The following ZSCAN25 variants were observed in gnomAD, a reference collection of about 807,000 sequenced individuals.
ZSCAN25 encodes zinc finger and SCAN domain containing 25.
Under a neutral mutation model 38.7 loss-of-function variants are expected in ZSCAN25, and 27 were observed. The ratio of observed to expected loss-of-function variants is 0.70; its 90% CI spans 0.51 to 0.96. The LOEUF (loss-of-function observed/expected upper bound fraction) is 0.96, where lower values mean the gene tolerates loss of function less well. Among genes scored for constraint, ZSCAN25 ranks in the 40% least tolerant of loss-of-function variants. The pLI is 0.00. For missense variants in ZSCAN25, 637 were observed against 705.9 expected, an observed-to-expected ratio of 0.90 and a Z score of 1.11; for synonymous variants, 273 against 277.7, an observed-to-expected ratio of 0.98 and a Z score of 0.17.
the ZSCAN25 span, chr7:99,709,059 T>C: frequency 6.2e-7 from 1 of 1,613,992 alleles, no homozygotes; most frequent in Non-Finnish European, 8.5e-7. Context: ...CTTCTCAGGC[T>C]CTGTCCAGTA....
the ZSCAN25 span, among the ~76,000 whole-genome samples, chr7:99,734,538 C>T: frequency 6.6e-6 from 1 of 152,058 alleles, no homozygotes; most frequent in Non-Finnish European, 1.5e-5. Context: ...TATAGATCTG[C>T]AAAACATCCA....
the ZSCAN25 span, chr7:99,671,510 G>C: frequency 2.3e-5 from 7 of 299,336 alleles, no homozygotes; most frequent in Non-Finnish European, 4.4e-5. Context: ...TTCCAAAATG[G>C]TGTTGGAACA....
chr7:99,685,849 C>T, the ZSCAN25 span, among the ~76,000 whole-genome samples: 12 of 152,178 alleles, frequency 7.9e-5, no homozygotes, highest in Admixed American at 7.9e-4. Context: ...CTTTGGTGGC[C>T]CAGGGACTCC....
chr7:99,716,173 C>T, the ZSCAN25 span, among the ~76,000 whole-genome samples: 1 of 152,162 alleles, frequency 6.6e-6, no homozygotes, highest in Non-Finnish European at 1.5e-5. Context: ...CATAGAAAGA[C>T]AGAGATCCAC....
chr7:99,685,278 C>T, the ZSCAN25 span: 1 of 1,610,938 alleles, frequency 6.2e-7, no homozygotes, highest in Non-Finnish European at 8.5e-7. Flanking sequence ...TTAAATAAAG[C>T]AAAATTAGAA....
the ZSCAN25 span, among the ~76,000 whole-genome samples, chr7:99,673,087 C>T: frequency 6.6e-6 from 1 of 152,112 alleles, no homozygotes; most frequent in African/African-American, 2.4e-5. Flanking sequence ...AAATTGAAGG[C>T]AGGTAAATCA....
At chr7:99,640,444 C>T in the ZSCAN25 span, among the ~76,000 whole-genome samples, 7 of 152,228 alleles carry the variant, frequency 4.6e-5, no homozygotes, top group African/African-American at 1.7e-4. Context: ...AGGCGTGAGC[C>T]ACCGCACCTG....
rs964450362 is a variant in ZSCAN25, at chr7:99,630,054, C to G, written c.*34C>G. On this transcript the variant is annotated 3_prime_UTR_variant, in exon 8 of 8. Coordinates refer to ENST00000394152, the MANE Select transcript of ZSCAN25 (RefSeq NM_145115.3). The stretch of plus-strand genomic sequence containing the variant: ...GGTGGCAGGCAGCACCATCATTCAT[C>G]TTTCTCACTGCAGGGCCTTGCGGGG... The G allele has an allele frequency of 8.1e-6, 12 of 1,484,966 alleles. No individual in the cohort carries two copies. The highest frequency in any genetic ancestry group is 1.1e-5 in the Non-Finnish European group (12 of 1,115,830). The allele number at this position is 1,484,966 out of a possible 1,614,324, so 92.0% of individuals were successfully genotyped here. A position where few individuals can be genotyped will look rare whatever the true frequency, so the allele number is the denominator to read the frequency against.
the ZSCAN25 span, chr7:99,664,010 A>G: frequency 6.3e-7 from 1 of 1,597,902 alleles, no homozygotes; most frequent in Non-Finnish European, 8.5e-7. Context: ...TTCTGTTTAC[A>G]GATTTACTTA....
rs1294844054 is a variant in ZSCAN25, at chr7:99,622,634, A to G, written c.675A>G (p.Gly225=). ...TGGCAGCTGGGTTCTTTACTGCTGG[A>G]TCGCAGGTGAGCTCTGACTCCCTTT... The part of the protein sequence containing the change: ...QEMAAGFFTA[G]SQGLGPFKDM... Residue 225 remains glycine (G), a synonymous_variant, in exon 6 of 8, where the codon GGA becomes GGG. Coordinates refer to ENST00000394152, the MANE Select transcript of ZSCAN25 (RefSeq NM_145115.3). 6.2e-7 allele frequency: 1 copy of G among 1,614,024 alleles called. No homozygotes were observed. The highest frequency in any genetic ancestry group is 2.2e-5 in the East Asian group (1 of 44,866).
chr7:99,713,348 T>C, the ZSCAN25 span: 19 of 1,458,808 alleles, frequency 1.3e-5, no homozygotes, highest in Non-Finnish European at 1.7e-5. Context: ...CATCCAAACC[T>C]GTGTCATTCT....
the ZSCAN25 span, chr7:99,715,653 T>C: frequency 4.4e-6 from 7 of 1,578,964 alleles, no homozygotes; most frequent in South Asian, 6.7e-5. Flanking sequence ...CTACAAACCA[T>C]TAAACTGTAC....
the ZSCAN25 span, chr7:99,685,030 TG>T: frequency 1.3e-6 from 1 of 786,424 alleles, no homozygotes; most frequent in Non-Finnish European, 2.1e-6. Flanking sequence ...TGCAGTACAG[TG>T]GATGAAGCCC....
chr7:99,634,210 C>G (rs1808175369), downstream of ZSCAN25, among the ~76,000 whole-genome samples: 1 of 152,238 alleles, frequency 6.6e-6, no homozygotes, highest in Non-Finnish European at 1.5e-5. Flanking sequence ...TGCCTAAGGT[C>G]TGTCCTGGGG....
chr7:99,696,576 G>T, the ZSCAN25 span, among the ~76,000 whole-genome samples: 1 of 152,114 alleles, frequency 6.6e-6, no homozygotes, highest in Non-Finnish European at 1.5e-5. Flanking sequence ...TATTGGGGAG[G>T]ATGATTAACT....
the ZSCAN25 span, among the ~76,000 whole-genome samples, chr7:99,725,039 T>C: frequency 6.6e-6 from 1 of 152,028 alleles, no homozygotes; most frequent in Non-Finnish European, 1.5e-5. Flanking sequence ...CCATTGGCAG[T>C]ACAAGATGGA....
chr7:99,685,982 C>T, the ZSCAN25 span, among the ~76,000 whole-genome samples: 2 of 152,216 alleles, frequency 1.3e-5, no homozygotes. Context: ...TTATCTCCTT[C>T]CCACATCAAT....
chr7:99,675,626 TCTCTCCTCTC>T, the ZSCAN25 span, among the ~76,000 whole-genome samples: 6 of 662 alleles, frequency 9.1e-3, 1 homozygote, highest in Admixed American at 0.017. Context: ...CCTCTCCTTT[TCTCTCCTCTC>T]CTCTCCTCCC....
downstream of ZSCAN25, among the ~76,000 whole-genome samples, chr7:99,634,827 G>A (rs569310535): frequency 8.6e-5 from 13 of 151,428 alleles, no homozygotes; most frequent in South Asian, 1.7e-3. Context: ...TTAGCCAAGC[G>A]TGGTGGCAGG....
Sources: allele counts gnomAD v4.1 joint callset (sites outside exome capture counted in the v4.1 genomes callset), GRCh38; gene constraint gnomAD v4.1.1; transcripts MANE v1.5; gene names NCBI Gene and HGNC (gene_info 2026-07-23, HGNC 2026-07-21).